The following SLC12A2 variants were observed in gnomAD, a reference collection of about 807,000 sequenced individuals.
The protein encoded by SLC12A2 is Na-K-2Cl cotransporter 1.
SLC12A2 carries 67 observed loss-of-function variants against 136.3 expected under a neutral mutation model. That is an observed-to-expected ratio of 0.49 (90% CI 0.40 to 0.60). The LOEUF (loss-of-function observed/expected upper bound fraction) is 0.60, where lower values mean the gene tolerates loss of function less well. Among genes scored for constraint, SLC12A2 ranks in the 20% least tolerant of loss-of-function variants. The pLI is 0.00. For missense variants in SLC12A2, 1,322 were observed against 1,534.7 expected, an observed-to-expected ratio of 0.86 and a Z score of 2.32; for synonymous variants, 619 against 562.9, an observed-to-expected ratio of 1.10 and a Z score of -1.41.
chr5:128,087,061 A>G (rs1259587584), intron 1 of SLC12A2, among the ~76,000 whole-genome samples: 1 of 152,224 alleles, frequency 6.6e-6, no homozygotes, highest in Non-Finnish European at 1.5e-5. Context: ...ATACTTCAGA[A>G]ACTTGTTAGG....
intron 1 of SLC12A2, among the ~76,000 whole-genome samples, chr5:128,103,324 G>A (rs975263986): frequency 6.6e-6 from 1 of 152,206 alleles, no homozygotes; most frequent in Admixed American, 6.5e-5. Flanking sequence ...GAGGACCAGA[G>A]GGATTAAATA....
intron 17 of SLC12A2, among the ~76,000 whole-genome samples, chr5:128,163,010 ATTC>A (rs1299517014): frequency 4.6e-5 from 7 of 152,064 alleles, no homozygotes; most frequent in Non-Finnish European, 7.4e-5. Context: ...GCTCAAGACA[ATTC>A]TTCTTCCAGT....
At position 128,139,984 on chromosome 5, in the gene SLC12A2, CTTGT is replaced by C. The variant is rs547935371; in HGVS notation, c.1621+1083_1621+1086del. ...ATGGTGAGCTGAATTGCCTTTTTTGCTTGTTTGTTTTTGTTTTTGTTTTTTGTTT... is the reference window on the plus strand; with the variant it reads ...ATGGTGAGCTGAATTGCCTTTTTTGCTTGTTTTTGTTTTTGTTTTTTGTTT... On this transcript the variant is annotated intron_variant, in intron 9 of 26. Coordinates refer to ENST00000262461, the MANE Select transcript of SLC12A2 (RefSeq NM_001046.3). Among the ~76,000 whole-genome samples the C allele has an allele frequency of 1.8e-3, 269 of 151,998 alleles. No individual in the cohort carries two copies. In the Middle Eastern group the frequency reaches 0.024, roughly 13 times the overall value.
rs201022814 is a variant in SLC12A2 at position 128,084,443 on chromosome 5, A to T, written c.489A>T (p.Gly163=). The change falls in exon 1 of 27, where the codon GGA becomes GGT. Residue 163 remains glycine (G), a synonymous_variant. Transcript: ENST00000262461. This position sits in a 1 kb window ranked among gnomAD's most constrained non-coding sequence, Gnocchi z 5.6. ...EDSLSDAAGV[G]VDGPNVSFQN... ...GCCTGTCAGATGCTGCCGGGGTCGG[A>T]GTCGACGGGCCCAACGTGAGCTTCC... 2.0e-4 allele frequency: 329 copies of T among 1,612,410 alleles called. No homozygotes were observed. Among genetic ancestry groups the T allele is most frequent in the Non-Finnish European group, 2.6e-4 (301 of 1,179,470 alleles).
intron 1 of SLC12A2, among the ~76,000 whole-genome samples, chr5:128,103,023 A>C (rs187117726): frequency 1.3e-5 from 2 of 152,210 alleles, no homozygotes; most frequent in African/African-American, 4.8e-5. Context: ...CTAGTTTTTG[A>C]CAATTTTAAA....
At chr5:128,135,609 C>A (rs1762161784) in intron 6 of SLC12A2, 91 bp from the exon 7 acceptor site, 5 of 850,998 alleles carry the variant, frequency 5.9e-6, no homozygotes, top group South Asian at 1.5e-5. Flanking sequence ...GACAGAAATT[C>A]TTTCCCTCAT....
intron 4 of SLC12A2, among the ~76,000 whole-genome samples, chr5:128,130,218 C>T (rs554030873): frequency 7.9e-5 from 12 of 152,096 alleles, no homozygotes; most frequent in Non-Finnish European, 1.6e-4. Flanking sequence ...TTGAGACCAG[C>T]CTGGCCAACA....
At chr5:128,093,421 C>T (rs1357549540) in intron 1 of SLC12A2, among the ~76,000 whole-genome samples, 1 of 152,144 alleles carries the variant, frequency 6.6e-6, no homozygotes, top group African/African-American at 2.4e-5. Context: ...CCTCTGAGTT[C>T]TGGGTATCCA....
At chr5:128,157,548 A>C (rs1029276956) in intron 15 of SLC12A2, among the ~76,000 whole-genome samples, 11 of 152,194 alleles carry the variant, frequency 7.2e-5, no homozygotes, top group African/African-American at 2.7e-4. Context: ...TAAGAAGGAA[A>C]GTGACCTGTT....
intron 1 of SLC12A2, among the ~76,000 whole-genome samples, chr5:128,088,749 C>G (rs1288171503): frequency 2.0e-5 from 3 of 152,092 alleles, no homozygotes; most frequent in African/African-American, 7.2e-5. Flanking sequence ...TTCTCATTAA[C>G]AAGGGGAAAG....
Position 128,184,359 on chromosome 5 carries a change from T to C in SLC12A2, c.3300-7T>C. On this transcript the variant is annotated splice_region_variant and splice_polypyrimidine_tract_variant and intron_variant, in intron 24 of 26. Transcript: ENST00000262461. Reference sequence around the variant, plus strand: ...TTAGTTGTCAGTATTCTTTCTGTTTTTTAAAGTATTATAGCTTTTGAGGAA... The same window carrying C: ...TTAGTTGTCAGTATTCTTTCTGTTTCTTAAAGTATTATAGCTTTTGAGGAA... The C allele has an allele frequency of 1.3e-6, 2 of 1,491,558 alleles. No homozygotes were observed. The highest frequency in any genetic ancestry group is 2.9e-5 in the African/African-American group (2 of 69,562). The allele number at this position is 1,491,558 out of a possible 1,614,324, so 92.4% of individuals were successfully genotyped here.
At chr5:128,085,147 G>A (rs1021600361) in intron 1 of SLC12A2, among the ~76,000 whole-genome samples, 2 of 151,828 alleles carry the variant, frequency 1.3e-5, no homozygotes, top group African/African-American at 2.4e-5. Context: ...GCCTATTAGG[G>A]ATCGCAAGAG....
chr5:128,113,423 A>G (rs1761229034), intron 2 of SLC12A2, among the ~76,000 whole-genome samples: 1 of 152,158 alleles, frequency 6.6e-6, no homozygotes, highest in Non-Finnish European at 1.5e-5. Flanking sequence ...TTGTGCATAG[A>G]TTTAGGTGGT....
intron 4 of SLC12A2, among the ~76,000 whole-genome samples, chr5:128,128,373 T>G (rs1464790282): frequency 6.6e-6 from 1 of 152,126 alleles, no homozygotes; most frequent in Non-Finnish European, 1.5e-5. Flanking sequence ...TCTGACTAAT[T>G]ATGTTCTTTA....
chr5:128,148,679 T>C, intron 11 of SLC12A2, 75 bp from the exon 12 acceptor site: 1 of 1,238,334 alleles, frequency 8.1e-7, no homozygotes, highest in Non-Finnish European at 1.1e-6. Flanking sequence ...TCATTCCTGA[T>C]TAACCTATTA....
At chr5:128,150,190 G>A in intron 13 of SLC12A2, 92 bp downstream of exon 13, 1 of 785,734 alleles carries the variant, frequency 1.3e-6, no homozygotes, top group Non-Finnish European at 2.1e-6. Flanking sequence ...TGTTATGTGT[G>A]GGGTTAGTTC....
intron 4 of SLC12A2, among the ~76,000 whole-genome samples, chr5:128,126,987 T>G (rs1173672885): frequency 7.4e-6 from 1 of 134,382 alleles, no homozygotes; most frequent in African/African-American, 2.9e-5. Flanking sequence ...TTTTTTTTTT[T>G]GCATCTAAAA....
intron 4 of SLC12A2, among the ~76,000 whole-genome samples, chr5:128,123,813 T>C (rs1479806716): frequency 1.3e-5 from 2 of 152,228 alleles, no homozygotes; most frequent in Non-Finnish European, 2.9e-5. Flanking sequence ...CATCACTTTT[T>C]CCTTTTTGGA....
At chr5:128,095,646 T>C (rs1012071882) in intron 1 of SLC12A2, among the ~76,000 whole-genome samples, 1 of 152,166 alleles carries the variant, frequency 6.6e-6, no homozygotes, top group African/African-American at 2.4e-5. Context: ...CAACACAAAT[T>C]TGTAAACTTT....
Sources: gnomAD v4.1 joint callset for allele counts (sites outside exome capture counted in the v4.1 genomes callset) on GRCh38, gnomAD v4.1.1 for gene constraint, Gnocchi (gnomAD v3.1) non-coding constraint, MANE v1.5 for transcripts, NCBI Gene and HGNC (gene_info 2026-07-23, HGNC 2026-07-21) for gene names.